The following THADA variants were observed in gnomAD, a reference collection of about 807,000 sequenced individuals.
The protein encoded by THADA is tRNA (32-2'-O)-methyltransferase regulator THADA.
Under a neutral mutation model 219.8 loss-of-function variants are expected in THADA, and 213 were observed. The observed-to-expected ratio is 0.97, with a 90% CI of 0.87 to 1.09. The LOEUF (loss-of-function observed/expected upper bound fraction) is 1.09. Ranked by LOEUF, THADA falls within the 50% of genes least tolerant of loss-of-function variation. THADA has a pLI of 0.00. For synonymous variants in THADA, 1,018 were observed against 828.9 expected, an observed-to-expected ratio of 1.23 and a Z score of -3.92; for missense variants, 2,956 against 2,311.3, an observed-to-expected ratio of 1.28 and a Z score of -5.72.
intron 22 of THADA, among the ~76,000 whole-genome samples, chr2:43,510,037 T>C (rs1473325712): frequency 1.3e-5 from 2 of 152,198 alleles, no homozygotes; most frequent in African/African-American, 4.8e-5. Context: ...GCTTAGATCT[T>C]GATTTGAACA....
chr2:43,432,901 C>T (rs941458335), intron 26 of THADA, among the ~76,000 whole-genome samples: 2 of 152,116 alleles, frequency 1.3e-5, no homozygotes, highest in African/African-American at 2.4e-5. Context: ...ATGGCATATA[C>T]CTTCTTCTAG....
chr2:43,297,833 A>G (rs1349285983), intron 31 of THADA, among the ~76,000 whole-genome samples: 9 of 81,980 alleles, frequency 1.1e-4, no homozygotes, highest in Admixed American at 2.3e-4. Context: ...GGGGGGGATC[A>G]GCCCCCCCGC....
At chr2:43,252,599 C>A (rs1280489573) in intron 36 of THADA, among the ~76,000 whole-genome samples, 1 of 152,166 alleles carries the variant, frequency 6.6e-6, no homozygotes, top group African/African-American at 2.4e-5. Flanking sequence ...ACCTTTTCCA[C>A]TGAAATTACC....
chr2:43,516,000 G>C (rs530334203), intron 22 of THADA, among the ~76,000 whole-genome samples: 22 of 152,134 alleles, frequency 1.4e-4, no homozygotes, highest in African/African-American at 5.1e-4. Flanking sequence ...TCTCTTCAGG[G>C]GCTCAAGCCA....
At chr2:43,368,972 C>T (rs1670492160) in intron 29 of THADA, among the ~76,000 whole-genome samples, 1 of 152,164 alleles carries the variant, frequency 6.6e-6, no homozygotes, top group South Asian at 2.1e-4. Flanking sequence ...CACCACCCTG[C>T]CCCTATCTTT....
At chr2:43,270,132 C>T (rs1254843685) in intron 36 of THADA, among the ~76,000 whole-genome samples, 1 of 152,160 alleles carries the variant, frequency 6.6e-6, no homozygotes, top group Non-Finnish European at 1.5e-5. Flanking sequence ...TAAATCAAGG[C>T]TTGGGGGACA....
intron 26 of THADA, among the ~76,000 whole-genome samples, chr2:43,455,504 GCTCTCT>G: frequency 6.7e-6 from 1 of 149,578 alleles, no homozygotes; most frequent in East Asian, 2.0e-4. Context: ...ACGTGCTCTC[GCTCTCT>G]CTCTCTCTCA....
chr2:43,299,987 C>A (rs1445845793), intron 31 of THADA, among the ~76,000 whole-genome samples: 1 of 144,190 alleles, frequency 6.9e-6, no homozygotes, highest in Non-Finnish European at 1.5e-5. Flanking sequence ...GAGATTGTGC[C>A]ACTGCACTAC....
chr2:43,502,175 C>T (rs937823193), intron 24 of THADA, among the ~76,000 whole-genome samples: 1 of 147,432 alleles, frequency 6.8e-6, no homozygotes, highest in Non-Finnish European at 1.5e-5. Flanking sequence ...TAAAGACTTG[C>T]ACGCACTCCA....
intron 7 of THADA, among the ~76,000 whole-genome samples, chr2:43,583,564 A>G (rs1700684456): frequency 6.6e-6 from 1 of 152,240 alleles, no homozygotes; most frequent in Non-Finnish European, 1.5e-5. Context: ...TCCTACGTAT[A>G]TACCCAAAAG....
At chr2:43,263,726 A>G (rs1395981569) in intron 36 of THADA, among the ~76,000 whole-genome samples, 2 of 152,154 alleles carry the variant, frequency 1.3e-5, no homozygotes, top group Admixed American at 1.3e-4. Flanking sequence ...GCTATATTAC[A>G]CTATAATACT....
chr2:43,318,899 C>G (rs866129502), intron 31 of THADA, among the ~76,000 whole-genome samples: 27 of 152,132 alleles, frequency 1.8e-4, no homozygotes, highest in Admixed American at 5.9e-4. Flanking sequence ...TATTTTACAA[C>G]ATATAAGGAT....
chr2:43,322,746 T>G (rs1229643290), intron 30 of THADA, among the ~76,000 whole-genome samples: 1 of 124,638 alleles, frequency 8.0e-6, no homozygotes, highest in Non-Finnish European at 1.6e-5. Context: ...AGTGCAGTGG[T>G]GCGATCTTGG....
intron 36 of THADA, among the ~76,000 whole-genome samples, chr2:43,261,837 C>T (rs981426189): frequency 6.6e-6 from 1 of 152,080 alleles, no homozygotes; most frequent in African/African-American, 2.4e-5. Flanking sequence ...GGGTTTCACC[C>T]TGTTGACCAG....
At chr2:43,448,154 T>A (rs949045423) in intron 26 of THADA, among the ~76,000 whole-genome samples, 1 of 152,212 alleles carries the variant, frequency 6.6e-6, no homozygotes, top group Non-Finnish European at 1.5e-5. Context: ...TAGGAAGCAC[T>A]AGGAACCTGT....
At chr2:43,501,663 G>A (rs895393232) in intron 24 of THADA, among the ~76,000 whole-genome samples, 9 of 152,160 alleles carry the variant, frequency 5.9e-5, no homozygotes, top group Non-Finnish European at 1.0e-4. Flanking sequence ...GTGGTTTTAG[G>A]CCAGGTGTGG....
chr2:43,260,929 G>A (rs1670859158), intron 36 of THADA, among the ~76,000 whole-genome samples: 2 of 152,010 alleles, frequency 1.3e-5, no homozygotes, highest in South Asian at 4.1e-4. Context: ...TCTTTGGTTG[G>A]CTTGACCTTT....
intron 22 of THADA, among the ~76,000 whole-genome samples, chr2:43,518,510 A>T (rs946431193): frequency 6.6e-6 from 1 of 152,112 alleles, no homozygotes; most frequent in Non-Finnish European, 1.5e-5. Flanking sequence ...CCAAGAGATC[A>T]TTTTTTCTCT....
At chr2:43,417,425 G>T (rs973876544) in intron 28 of THADA, among the ~76,000 whole-genome samples, 1 of 152,074 alleles carries the variant, frequency 6.6e-6, no homozygotes, top group Non-Finnish European at 1.5e-5. Flanking sequence ...TCCTTTGTAA[G>T]AAATTCTCAG....
Sources: allele counts gnomAD v4.1 joint callset (sites outside exome capture counted in the v4.1 genomes callset), GRCh38; gene constraint gnomAD v4.1.1; transcripts MANE v1.5; gene names NCBI Gene and HGNC (gene_info 2026-07-23, HGNC 2026-07-21).